The following PTPRJ variants were observed in gnomAD, a reference collection of about 807,000 sequenced individuals.
PTPRJ encodes receptor-type tyrosine-protein phosphatase eta.
PTPRJ carries 129 observed loss-of-function variants against 141.3 expected under a neutral mutation model. That is an observed-to-expected ratio of 0.91 (90% confidence interval 0.79 to 1.06). The LOEUF is 1.06. Among genes scored for constraint, PTPRJ ranks in the 50% least tolerant of loss-of-function variants. The pLI is 0.00. For missense variants in PTPRJ, 1,601 were observed against 1,679.7 expected (o/e 0.95, Z 0.82); for synonymous variants, 610 against 640.5 (o/e 0.95, Z 0.72).
intron 1 of PTPRJ, among the ~76,000 whole-genome samples, chr11:48,054,282 C>T (rs1854696567): frequency 6.6e-6 from 1 of 152,196 alleles, no homozygotes; most frequent in South Asian, 2.1e-4. Context: ...TGGGGCTAGA[C>T]TTGGACAGGG....
intron 3 of PTPRJ, among the ~76,000 whole-genome samples, chr11:48,117,842 A>C (rs1256164675): frequency 1.3e-5 from 2 of 152,284 alleles, no homozygotes; most frequent in Non-Finnish European, 2.9e-5. Context: ...GACTAAGAAA[A>C]AAGAGACGCT....
chr11:48,148,267 G>A (rs1469120810), intron 15 of PTPRJ, among the ~76,000 whole-genome samples: 3 of 152,116 alleles, frequency 2.0e-5, no homozygotes, highest in Non-Finnish European at 4.4e-5. Context: ...GAAAAGAAGA[G>A]CAAAAATAAA....
chr11:48,070,391 AC>A (rs2134271849), intron 1 of PTPRJ, among the ~76,000 whole-genome samples: 1 of 151,912 alleles, frequency 6.6e-6, no homozygotes, highest in South Asian at 2.1e-4. Flanking sequence ...AATCCCAGCT[AC>A]TAGGGAGGCT....
rs1327361281 is a variant in PTPRJ at position 48,170,616 on chromosome 11, T to G, written c.*3254T>G. On this transcript the variant is annotated 3_prime_UTR_variant, in exon 25 of 25. Coordinates refer to ENST00000418331, the MANE Select transcript of PTPRJ (RefSeq NM_002843.4). ...TGTAGCAGCTGTGTGTTTAACATAC[T>G]GTAGCTTTTTCTCCCTTGGGGGCAC... The G allele has an allele frequency of 6.6e-6, 1 of 152,222 alleles. No individual in the cohort carries two copies. The highest frequency in any genetic ancestry group is 1.5e-5 in the Non-Finnish European group (1 of 68,036). The allele number at this position is 152,222 out of a possible 1,614,324, so 9.4% of individuals were successfully genotyped here. A position where few individuals can be genotyped will look rare whatever the true frequency, so the allele number is the denominator to read the frequency against.
At chr11:48,032,723 CACTCCATCCTGGGCAACAAGAGCAAA>C (rs1173373803) in intron 1 of PTPRJ, among the ~76,000 whole-genome samples, 1 of 152,180 alleles carries the variant, frequency 6.6e-6, no homozygotes, top group Non-Finnish European at 1.5e-5. Context: ...CATGCCATTG[CACTCCATCCTGGGCAACAAGAGCAAA>C]ACTCCATCTC....
rs1481638888 is a variant in PTPRJ, at chr11:48,167,301, C to T, written c.3953C>T (p.Thr1318Ile). Residue 1318 changes from threonine to isoleucine, a missense_variant, in exon 25 of 25, where the codon ACA (threonine) becomes ATA (isoleucine). Transcript: ENST00000418331. ...ATCTACCAGAACACAACTGCAATGACAATCTATGAAAACCTTGCGCCCGTG... is the reference window on the plus strand; with the variant it reads ...ATCTACCAGAACACAACTGCAATGATAATCTATGAAAACCTTGCGCCCGTG... The part of the protein sequence containing the change: ...DLIYQNTTAM[T>I]IYENLAPVTT... The T allele has an allele frequency of 3.7e-6, 6 of 1,613,864 alleles. No homozygotes were observed. The African/African-American group carries it at 6.7e-5, about 18-fold the overall frequency.
chr11:48,138,151 A>G (rs80026812), intron 10 of PTPRJ, among the ~76,000 whole-genome samples: 3,025 of 152,306 alleles, frequency 0.02, 100 homozygotes, highest in African/African-American at 0.069. Flanking sequence ...TCATGGGATC[A>G]GCCTCCCTGG....
chr11:48,006,908 C>T (rs996109342), intron 1 of PTPRJ, among the ~76,000 whole-genome samples: 1 of 151,980 alleles, frequency 6.6e-6, no homozygotes, highest in African/African-American at 2.4e-5. Flanking sequence ...ATGAGTCAGT[C>T]ATTTTTTTTT....
chr11:48,137,451 A>G (rs1327855724), intron 10 of PTPRJ, among the ~76,000 whole-genome samples, 170 bp downstream of exon 10: 12 of 152,170 alleles, frequency 7.9e-5, no homozygotes, highest in Non-Finnish European at 1.8e-4. Flanking sequence ...TGCCCTCATC[A>G]TTTCTGCATT....
chr11:48,125,325 A>G, intron 6 of PTPRJ, 139 bp downstream of exon 6: 2 of 888,760 alleles, frequency 2.3e-6, no homozygotes, highest in African/African-American at 1.7e-5. Flanking sequence ...GAGATTTTGG[A>G]CAGAGCAGAT....
chr11:48,047,848 G>T (rs1854450612), intron 1 of PTPRJ, among the ~76,000 whole-genome samples: 1 of 152,156 alleles, frequency 6.6e-6, no homozygotes, highest in Admixed American at 6.5e-5. Flanking sequence ...GGCTGACGTG[G>T]CCTGGGGCAG....
chr11:48,100,182 A>G (rs1329867478), intron 1 of PTPRJ, among the ~76,000 whole-genome samples: 11 of 152,166 alleles, frequency 7.2e-5, no homozygotes, highest in Non-Finnish European at 1.5e-5. Flanking sequence ...GGAGACAAGA[A>G]TGTAGCTTCT....
chr11:48,092,644 G>A (rs1352673882), intron 1 of PTPRJ, among the ~76,000 whole-genome samples: 2 of 152,068 alleles, frequency 1.3e-5, no homozygotes, highest in African/African-American at 4.8e-5. Context: ...TGGCTAGGCT[G>A]GTCTCAAACT....
chr11:48,162,802 T>G (rs1460637066), intron 22 of PTPRJ, among the ~76,000 whole-genome samples: 2 of 152,194 alleles, frequency 1.3e-5, no homozygotes, highest in African/African-American at 4.8e-5. Flanking sequence ...TGCTTTGGTA[T>G]GAGGTAGGGA....
chr11:48,163,659 C>T, intron 23 of PTPRJ, 41 bp downstream of exon 23: 1 of 1,571,036 alleles, frequency 6.4e-7, no homozygotes, highest in Non-Finnish European at 8.8e-7. Context: ...TTTCAAATGT[C>T]ATTATATATT....
intron 3 of PTPRJ, among the ~76,000 whole-genome samples, chr11:48,117,071 G>T (rs1258625115): frequency 6.6e-6 from 1 of 152,162 alleles, no homozygotes; most frequent in African/African-American, 2.4e-5. Flanking sequence ...AGTAACTATT[G>T]TTAATTGTTT....
intron 1 of PTPRJ, among the ~76,000 whole-genome samples, chr11:48,011,215 A>G (rs1854774890): frequency 6.6e-6 from 1 of 152,138 alleles, no homozygotes; most frequent in Non-Finnish European, 1.5e-5. Context: ...GCTACCTTTC[A>G]TAGCTTGGGG....
intron 1 of PTPRJ, among the ~76,000 whole-genome samples, chr11:47,985,157 T>C (rs1228639636): frequency 6.6e-6 from 1 of 152,132 alleles, no homozygotes; most frequent in Non-Finnish European, 1.5e-5. Context: ...GGCCTGTTTT[T>C]GTTTTTAAGA....
intron 1 of PTPRJ, among the ~76,000 whole-genome samples, chr11:47,991,465 C>T (rs73462871): frequency 0.073 from 11,163 of 152,132 alleles, 499 homozygotes; most frequent in African/African-American, 0.13. Flanking sequence ...GCTGTAATTG[C>T]GGGAGACGGG....
Sources: gnomAD v4.1 joint callset for allele counts (sites outside exome capture counted in the v4.1 genomes callset) on GRCh38, gnomAD v4.1.1 for gene constraint, MANE v1.5 for transcripts, NCBI Gene and HGNC (gene_info 2026-07-23, HGNC 2026-07-21) for gene names.